EXOG: variants seen among roughly 807,000 people sequenced by gnomAD.
EXOG encodes nuclease EXOG, mitochondrial.
EXOG carries 27 observed loss-of-function variants against 25.8 expected under a neutral mutation model. The observed-to-expected ratio is 1.05, with a 90% CI of 0.77 to 1.45. EXOG has a LOEUF of 1.45. EXOG is among the 40% of genes most tolerant of loss of function. EXOG has a pLI of 0.00. For missense variants in EXOG, 458 were observed against 450.5 expected (o/e 1.02, Z -0.15); for synonymous variants, 133 against 167.0 (o/e 0.80, Z 1.57).
chr3:38,524,480 T>G lies in EXOG; in HGVS notation c.*118T>G, dbSNP rs748321260. ...AAAAAGTTTTTCTCTTTAAGAGATGTGGTCTCGCCGTGTCATCCAGGCTGG... is the reference window on the plus strand; with the variant it reads ...AAAAAGTTTTTCTCTTTAAGAGATGGGGTCTCGCCGTGTCATCCAGGCTGG... On this transcript the variant is annotated 3_prime_UTR_variant, in exon 6 of 6. Transcript: ENST00000287675. The G allele has an allele frequency of 3.7e-5, 53 of 1,426,482 alleles. No homozygotes were observed. Among genetic ancestry groups the G allele is most frequent in the Admixed American group, 1.7e-4 (6 of 34,600 alleles). 88.4% of individuals were successfully genotyped at this position (1,426,482 alleles called of 1,614,324 possible).
chr3:38,516,255 G>A (rs113539266), intron 5 of EXOG, among the ~76,000 whole-genome samples: 2 of 151,876 alleles, frequency 1.3e-5, no homozygotes, highest in African/African-American at 2.4e-5. Flanking sequence ...CCAAAAACCC[G>A]TGTTCAATTT....
At position 38,496,376 on chromosome 3, in the gene EXOG, C is replaced by G. The variant is rs756161009; in HGVS notation, c.9C>G (p.Ile3Met). 2.5e-6 allele frequency: 4 copies of G among 1,613,424 alleles called. No homozygotes were observed. The highest frequency in any genetic ancestry group is 1.7e-5 in the Admixed American group (1 of 59,962). Residue 3 changes from isoleucine (I) to methionine (M), a missense_variant, in exon 1 of 6, where the codon ATC becomes ATG. Coordinates refer to ENST00000287675, the MANE Select transcript of EXOG (RefSeq NM_005107.4). ...CCGGTACCTCGGGCAAGATGGCTAT[C>G]AAGAGTATCGCTTCCCGCCTCCGGG... MA[I>M]KSIASRLRGS... is the part of the protein sequence containing the mutation.
chr3:38,512,234 C>T (rs1469121623), intron 5 of EXOG, among the ~76,000 whole-genome samples: 26 of 151,998 alleles, frequency 1.7e-4, no homozygotes, highest in Admixed American at 1.7e-3. Context: ...TGAAATTAAA[C>T]TTGAAAAATT....
chr3:38,519,759 G>C (rs1051958261), intron 5 of EXOG, among the ~76,000 whole-genome samples: 5 of 152,242 alleles, frequency 3.3e-5, no homozygotes, highest in African/African-American at 1.2e-4. Context: ...AGGTACCCCA[G>C]TGTGAGAAGT....
At chr3:38,508,763 ACTTG>A (rs2060282181) in intron 5 of EXOG, among the ~76,000 whole-genome samples, 2 of 141,076 alleles carry the variant, frequency 1.4e-5, no homozygotes, top group Non-Finnish European at 3.1e-5. Flanking sequence ...TGTCCATTTG[ACTTG>A]CTTATTATCA....
chr3:38,512,889 T>C (rs2125782339), intron 5 of EXOG, among the ~76,000 whole-genome samples: 1 of 152,278 alleles, frequency 6.6e-6, no homozygotes, highest in East Asian at 1.9e-4. Context: ...CTTTATCTTC[T>C]GGGCTTTCGA....
At chr3:38,506,183 A>G (rs1437838373) in intron 4 of EXOG, among the ~76,000 whole-genome samples, 2 of 152,116 alleles carry the variant, frequency 1.3e-5, no homozygotes, top group South Asian at 2.1e-4. Context: ...AAAGAAAAAA[A>G]AAATACTTGC....
intron 5 of EXOG, among the ~76,000 whole-genome samples, chr3:38,507,494 T>C (rs906033057): frequency 6.6e-6 from 1 of 152,160 alleles, no homozygotes; most frequent in African/African-American, 2.4e-5. Flanking sequence ...TGTGGGTGGC[T>C]CAAGGGGTAT....
intron 3 of EXOG, among the ~76,000 whole-genome samples, chr3:38,502,893 A>G (rs1426656967): frequency 6.6e-6 from 1 of 152,224 alleles, no homozygotes; most frequent in Non-Finnish European, 1.5e-5. Context: ...TTAAGATAGT[A>G]ATTCTCAACC....
At chr3:38,523,193 G>A in intron 5 of EXOG, 1 of 1,288,702 alleles carries the variant, frequency 7.8e-7, no homozygotes, top group Non-Finnish European at 1.0e-6. Flanking sequence ...ACCCAAGCCT[G>A]CAGTTTTGAC....
At chr3:38,496,764 C>T (rs2059902086) in intron 1 of EXOG, 1 of 1,468,532 alleles carries the variant, frequency 6.8e-7, no homozygotes, top group Admixed American at 2.2e-5. Context: ...CTGCACAGAA[C>T]CACCCCCGCC....
At chr3:38,519,357 T>C (rs2060639944) in intron 5 of EXOG, 1 of 152,230 alleles carries the variant, frequency 6.6e-6, no homozygotes, top group Admixed American at 6.5e-5. Flanking sequence ...GTTTGGACAT[T>C]ATAAATGGTC....
At chr3:38,503,871 A>T (rs2060120866) in intron 4 of EXOG, among the ~76,000 whole-genome samples, 180 bp downstream of exon 4, 1 of 152,186 alleles carries the variant, frequency 6.6e-6, no homozygotes, top group South Asian at 2.1e-4. Flanking sequence ...TCTACAGAAG[A>T]TCAGACTTCA....
intron 5 of EXOG, among the ~76,000 whole-genome samples, chr3:38,513,030 GGCCTCAAGTAGTCCTCCC>G (rs1366316223): frequency 1.3e-5 from 2 of 152,094 alleles, no homozygotes; most frequent in African/African-American, 4.8e-5. Flanking sequence ...TTAAATTCCT[GGCCTCAAGTAGTCCTCCC>G]ACCTCCACCC....
chr3:38,496,838 C>T, intron 1 of EXOG: 1 of 1,359,728 alleles, frequency 7.4e-7, no homozygotes, highest in South Asian at 1.2e-5. Context: ...GTGTTCTCTA[C>T]TAAGATTGTT....
chr3:38,505,022 C>G (rs2125763509), intron 4 of EXOG, among the ~76,000 whole-genome samples: 1 of 152,290 alleles, frequency 6.6e-6, no homozygotes, highest in Admixed American at 6.5e-5. Context: ...ATATTTTATC[C>G]ATAAATGTTT....
chr3:38,501,432 T>C lies in EXOG; in HGVS notation c.391T>C (p.Tyr131His). The C allele has an allele frequency of 6.2e-7, 1 of 1,613,790 alleles. No individual in the cohort carries two copies. The highest frequency in any genetic ancestry group is 2.2e-5 in the East Asian group (1 of 44,880). The change falls in exon 3 of 6, where the codon TAT (tyrosine) becomes CAT (histidine). Residue 131 changes from tyrosine (Y) to histidine (H), a missense_variant. Around this residue, in one of 3 missense-constraint regions of EXOG, gnomAD observed 275 missense variants for 230.5 expected, o/e 1.19. Coordinates refer to ENST00000287675, the MANE Select transcript of EXOG (RefSeq NM_005107.4). ...AACCTTCAGTGCCTTCAATGAAGAT[T>C]ATGTTGGAAGTGGGTGGTCACGAGG... ...PPTFSAFNED[Y>H]VGSGWSRGHM... is the part of the protein sequence containing the mutation.
rs150035417 is a variant in EXOG, at chr3:38,523,754, T to A, written c.646-147T>A. On this transcript the variant is annotated intron_variant, in intron 5 of 5. Coordinates refer to ENST00000287675, the MANE Select transcript of EXOG (RefSeq NM_005107.4). ...GTGAATCTCTGAGTCAGTTTATTATTTTTGGCAGTTGAATTTAAATTCATT... is the reference window on the plus strand; with the variant it reads ...GTGAATCTCTGAGTCAGTTTATTATATTTGGCAGTTGAATTTAAATTCATT... 256 of 558,368 alleles carry A rather than the reference T, an allele frequency of 4.6e-4. 1 individual carries two copies. The highest frequency in any genetic ancestry group is 4.2e-4 in the Non-Finnish European group (134 of 318,356). 34.6% of individuals were successfully genotyped at this position (558,368 alleles called of 1,614,324 possible). A position where few individuals can be genotyped will look rare whatever the true frequency, so the allele number is the denominator to read the frequency against.
chr3:38,499,122 CTT>C, intron 2 of EXOG: 2 of 342,950 alleles, frequency 5.8e-6, no homozygotes, highest in South Asian at 2.4e-5. Context: ...GGGGTATTCT[CTT>C]TTGAATTTAT....
Sources: gnomAD v4.1 joint callset for allele counts (sites outside exome capture counted in the v4.1 genomes callset) on GRCh38, gnomAD v4.1.1 for gene constraint, gnomAD v4.1.1 regional missense constraint, MANE v1.5 for transcripts, NCBI Gene and HGNC (gene_info 2026-07-23, HGNC 2026-07-21) for gene names.